The following ZBTB20 variants were observed in gnomAD, a reference collection of about 807,000 sequenced individuals.
ZBTB20 encodes the protein zinc finger and BTB domain-containing protein 20.
ZBTB20 carries 9 observed loss-of-function variants against 56.9 expected under a neutral mutation model. The ratio of observed to expected loss-of-function variants is 0.16; its 90% CI spans 0.10 to 0.28. The LOEUF is 0.28. ZBTB20 is among the 10% of genes least tolerant of loss of function. The pLI is 1.00. For missense variants in ZBTB20, 655 were observed against 1,003.0 expected, an observed-to-expected ratio of 0.65 and a Z score of 4.69; for synonymous variants, 417 against 420.7, an observed-to-expected ratio of 0.99 and a Z score of 0.11.
chr3:114,775,413 T>G (rs1203862122), intron 5 of ZBTB20, among the ~76,000 whole-genome samples: 2 of 152,154 alleles, frequency 1.3e-5, no homozygotes, highest in East Asian at 3.8e-4. Context: ...GTAATCATGT[T>G]GATATTTCTT....
At chr3:115,085,362 C>T (rs2082947620) in intron 1 of ZBTB20, among the ~76,000 whole-genome samples, 1 of 151,952 alleles carries the variant, frequency 6.6e-6, no homozygotes, top group Non-Finnish European at 1.5e-5. Context: ...GAGCCAGACT[C>T]TCTCACATGC....
chr3:114,327,082 T>A lies in ZBTB20; in HGVS notation c.*11923A>T, dbSNP rs1030800424. ...TATTATTTTGATGCATTAGTTACTG[T>A]TAGGGCTATTGATGCTCCTGACAGG... On this transcript the variant is annotated 3_prime_UTR_variant, in exon 12 of 12. Transcript: ENST00000675478. The A allele has an allele frequency of 1.3e-5, 2 of 152,164 alleles. No homozygotes were observed. Among genetic ancestry groups the A allele is most frequent in the Admixed American group, 1.3e-4 (2 of 15,280 alleles). The allele number at this position is 152,164 out of a possible 1,614,324, so 9.4% of individuals were successfully genotyped here.
chr3:114,544,958 C>T (rs2049687787), intron 6 of ZBTB20, among the ~76,000 whole-genome samples: 1 of 152,122 alleles, frequency 6.6e-6, no homozygotes, highest in Non-Finnish European at 1.5e-5. Flanking sequence ...AGAATGAGTA[C>T]CTATTTCATG....
intron 7 of ZBTB20, among the ~76,000 whole-genome samples, chr3:114,462,174 A>G (rs981366058): frequency 6.6e-6 from 1 of 152,222 alleles, no homozygotes; most frequent in African/African-American, 2.4e-5. Context: ...CTAGGACCAC[A>G]TTGTTGGTGA....
intron 4 of ZBTB20, among the ~76,000 whole-genome samples, chr3:114,881,942 A>C (rs1000095782): frequency 2.6e-5 from 4 of 151,916 alleles, no homozygotes; most frequent in African/African-American, 9.7e-5. Flanking sequence ...TGGTGTAAGA[A>C]GTTTTCTAAG....
intron 2 of ZBTB20, among the ~76,000 whole-genome samples, chr3:115,070,164 G>A (rs1257108731): frequency 6.6e-6 from 1 of 152,018 alleles, no homozygotes; most frequent in Non-Finnish European, 1.5e-5. Context: ...CTGAATGAGG[G>A]ATCCTTCCAG....
intron 5 of ZBTB20, among the ~76,000 whole-genome samples, chr3:114,780,674 G>A (rs911489796): frequency 2.0e-5 from 3 of 152,096 alleles, no homozygotes; most frequent in African/African-American, 7.2e-5. Context: ...TTTTAGTATA[G>A]ATGGGGTTTC....
chr3:114,746,889 T>A (rs2108624742), intron 5 of ZBTB20, among the ~76,000 whole-genome samples: 1 of 152,324 alleles, frequency 6.6e-6, no homozygotes, highest in Non-Finnish European at 1.5e-5. Flanking sequence ...TTCACAAACA[T>A]GAACACCATC....
At chr3:114,486,200 G>T (rs1392572268) in intron 7 of ZBTB20, among the ~76,000 whole-genome samples, 1 of 124,152 alleles carries the variant, frequency 8.1e-6, no homozygotes, top group Admixed American at 1.0e-4. Context: ...CTGTTTTCTA[G>T]AATGTTATCC....
chr3:114,698,562 C>T (rs1028324140), intron 5 of ZBTB20, among the ~76,000 whole-genome samples: 19 of 152,132 alleles, frequency 1.2e-4, no homozygotes, highest in African/African-American at 4.6e-4. Flanking sequence ...TACCTGAGTG[C>T]CCTCCTATGG....
chr3:115,088,943 A>C (rs2083089188), intron 1 of ZBTB20, among the ~76,000 whole-genome samples: 1 of 141,876 alleles, frequency 7.0e-6, no homozygotes, highest in Admixed American at 8.5e-5. Flanking sequence ...TAACTCTCAA[A>C]TATAAATATA....
In ZBTB20 at chr3:114,339,139, C is replaced by T; in HGVS notation, c.2092G>A (p.Gly698Ser). 2 of 1,613,440 alleles carry T rather than the reference C, an allele frequency of 1.2e-6. No homozygotes were observed. Among genetic ancestry groups the T allele is most frequent in the Non-Finnish European group, 1.7e-6 (2 of 1,179,492 alleles). ...ACGCCTGGGGGGCCAGCGCGGGCAC[C>T]TGGGGGTGTGCCTGCAGGGGGGGTC... is the stretch of plus-strand genomic sequence containing the variant. The part of the protein sequence containing the change: ...NGTPPAGTPP[G>S]ARAGPPGVVA... Residue 698 changes from glycine to serine, a missense_variant, in exon 12 of 12, where the codon GGT becomes AGT. By Grantham distance (56) the Gly-to-Ser change is moderately conservative. Coordinates refer to ENST00000675478, the MANE Select transcript of ZBTB20 (RefSeq NM_001348800.3). This position sits in a 1 kb window ranked among gnomAD's most constrained non-coding sequence, Gnocchi z 4.2.
At chr3:114,864,392 G>T (rs1253427235) in intron 4 of ZBTB20, among the ~76,000 whole-genome samples, 1 of 151,464 alleles carries the variant, frequency 6.6e-6, no homozygotes, top group East Asian at 1.9e-4. Context: ...TTTAGCCAAG[G>T]TTAAAAAAAA....
At chr3:114,577,769 T>C (rs1035525826) in intron 6 of ZBTB20, among the ~76,000 whole-genome samples, 8 of 152,130 alleles carry the variant, frequency 5.3e-5, no homozygotes, top group African/African-American at 1.9e-4. Context: ...GCTGGAAGAA[T>C]AAAGATACAG....
intron 6 of ZBTB20, among the ~76,000 whole-genome samples, chr3:114,542,983 A>C (rs1577410570): frequency 6.6e-6 from 1 of 152,170 alleles, no homozygotes. Context: ...TACTGAAAGC[A>C]AAAAAATCTC....
intron 7 of ZBTB20, among the ~76,000 whole-genome samples, chr3:114,465,967 A>T (rs1413653222): frequency 6.6e-6 from 1 of 152,094 alleles, no homozygotes; most frequent in African/African-American, 2.4e-5. Context: ...GACAATAATT[A>T]ACAAATACAT....
chr3:114,891,792 A>T lies in ZBTB20; in HGVS notation c.-417+8512T>A, dbSNP rs2076819160. Among the ~76,000 whole-genome samples the T allele has an allele frequency of 3.9e-5, 6 of 152,232 alleles. No homozygotes were observed. The South Asian group carries it at 1.2e-3, about 31-fold the overall frequency. ...CCAGGCGTGGTGGCTCATGCCTGTA[A>T]TCCTAGCACTTTGGGAGGCCCAGGC... On this transcript the variant is annotated intron_variant, in intron 4 of 11. Transcript: ENST00000675478.
intron 2 of ZBTB20, among the ~76,000 whole-genome samples, chr3:114,989,998 T>C (rs1216542181): frequency 6.6e-6 from 1 of 152,186 alleles, no homozygotes; most frequent in African/African-American, 2.4e-5. Flanking sequence ...TAAGGAGATT[T>C]TGGGCTGAGA....
In ZBTB20 at chr3:114,380,957, T is replaced by C. The variant is rs1576486179; in HGVS notation, c.-153-17A>G. 1.3e-5 allele frequency: 6 copies of C among 467,588 alleles called. No homozygotes were observed. In the East Asian group the frequency reaches 1.8e-4, roughly 14 times the overall value. 29.0% of individuals were successfully genotyped at this position (467,588 alleles called of 1,614,324 possible). On this transcript the variant is annotated splice_polypyrimidine_tract_variant and intron_variant, in intron 8 of 11. Coordinates refer to ENST00000675478, the MANE Select transcript of ZBTB20 (RefSeq NM_001348800.3). ...TTTCCTCATCTGTAAAATAAAGGGC[T>C]TGGATTAGAAGGCCTTAAAGGTTCC...
Sources: allele counts gnomAD v4.1 joint callset (sites outside exome capture counted in the v4.1 genomes callset), GRCh38; gene constraint gnomAD v4.1.1; non-coding constraint Gnocchi (gnomAD v3.1); transcripts MANE v1.5; gene names NCBI Gene and HGNC (gene_info 2026-07-23, HGNC 2026-07-21).